The following CNTN4 variants were observed in gnomAD, a reference collection of about 807,000 sequenced individuals.
CNTN4 encodes the protein contactin 4.
In CNTN4, 77 loss-of-function variants were observed where a neutral mutation model predicts 122.5. The observed-to-expected ratio is 0.63, with a 90% CI of 0.52 to 0.76. The LOEUF (loss-of-function observed/expected upper bound fraction) is 0.76, where lower values mean the gene tolerates loss of function less well. Among genes scored for constraint, CNTN4 ranks in the 30% least tolerant of loss-of-function variants. The pLI is 0.00. For synonymous variants in CNTN4, 512 were observed against 447.0 expected (o/e 1.15, Z -1.83); for missense variants, 1,256 against 1,259.1 (o/e 1.00, Z 0.04).
rs747462274 is a variant in CNTN4, at chr3:2,236,524, A to AGTTTT, written c.-144-102643_-144-102639dup. On this transcript the variant is annotated intron_variant, in intron 2 of 24. Coordinates refer to ENST00000418658, the MANE Select transcript of CNTN4 (RefSeq NM_175607.3). ...ATTGAACTACATGTGAAGAGTAAAT[A>AGTTTT]GTTTTGTTTTGTTTTAGTCTTCAGG... Among the ~76,000 whole-genome samples, 3 of 152,320 alleles carry AGTTTT rather than the reference A, an allele frequency of 2.0e-5. No individual in the cohort carries two copies. The East Asian group carries it at 5.8e-4, about 29-fold the overall frequency.
intron 4 of CNTN4, among the ~76,000 whole-genome samples, chr3:2,591,386 A>ATT (rs1224779709): frequency 1.7e-5 from 1 of 58,404 alleles, no homozygotes; most frequent in East Asian, 5.0e-4. Context: ...TTTTTTTGAG[A>ATT]CGGAGTCTCG....
chr3:2,693,062 T>C (rs2085830511), intron 4 of CNTN4, among the ~76,000 whole-genome samples: 2 of 152,182 alleles, frequency 1.3e-5, no homozygotes. Flanking sequence ...CCATTCTCCA[T>C]CCACCCATCA....
intron 6 of CNTN4, among the ~76,000 whole-genome samples, chr3:2,797,248 C>T (rs1483168359): frequency 6.6e-6 from 1 of 152,164 alleles, no homozygotes; most frequent in Non-Finnish European, 1.5e-5. Flanking sequence ...CCTGCCTCAG[C>T]CTCCCAAAGC....
chr3:2,719,024 C>G (rs1375180441), intron 4 of CNTN4, among the ~76,000 whole-genome samples: 3 of 152,110 alleles, frequency 2.0e-5, no homozygotes, highest in Non-Finnish European at 4.4e-5. Flanking sequence ...TTAAGAACTA[C>G]TGGACTAGAT....
At chr3:3,017,767 A>C (rs75928137) in intron 14 of CNTN4, among the ~76,000 whole-genome samples, 4,390 of 152,314 alleles carry the variant, frequency 0.029, 201 homozygotes, top group African/African-American at 0.1. Flanking sequence ...AGGAAGAAAA[A>C]ACTTCGCTTA....
At chr3:2,761,072 T>C (rs2090568785) in intron 6 of CNTN4, among the ~76,000 whole-genome samples, 1 of 152,160 alleles carries the variant, frequency 6.6e-6, no homozygotes, top group Admixed American at 6.5e-5. Flanking sequence ...CCAAGACCAG[T>C]GGAGAGGTAA....
chr3:2,646,513 A>G (rs1427114039), intron 4 of CNTN4, among the ~76,000 whole-genome samples: 2 of 152,192 alleles, frequency 1.3e-5, no homozygotes, highest in Admixed American at 1.3e-4. Context: ...TCCCTGGTGC[A>G]TAGTAAGCAC....
intron 2 of CNTN4, among the ~76,000 whole-genome samples, chr3:2,272,469 T>G (rs2041336709): frequency 6.6e-6 from 1 of 152,200 alleles, no homozygotes; most frequent in Non-Finnish European, 1.5e-5. Context: ...GATACAGCAA[T>G]CACTTACTGA....
intron 3 of CNTN4, among the ~76,000 whole-genome samples, chr3:2,497,253 A>T (rs761034120): frequency 6.6e-6 from 1 of 152,202 alleles, no homozygotes; most frequent in African/African-American, 2.4e-5. Flanking sequence ...TCTTCTCACT[A>T]CAACCTTTAA....
chr3:3,039,938 G>A (rs768864401), intron 19 of CNTN4, 99 bp from the exon 20 acceptor site: 3 of 815,026 alleles, frequency 3.7e-6, no homozygotes, highest in African/African-American at 3.3e-5. Flanking sequence ...GATGGGTGGA[G>A]AAGGATGTAG....
chr3:2,946,984 G>C (rs982186396), intron 13 of CNTN4, among the ~76,000 whole-genome samples: 51 of 152,152 alleles, frequency 3.4e-4, no homozygotes, highest in African/African-American at 1.2e-3. Flanking sequence ...GGGATTACAG[G>C]TATGAGCCAC....
At chr3:2,568,328 A>AAC (rs1559246844) in intron 3 of CNTN4, among the ~76,000 whole-genome samples, 2 of 150,912 alleles carry the variant, frequency 1.3e-5, no homozygotes, top group Non-Finnish European at 3.0e-5. Context: ...AAAAAAAAAA[A>AAC]AAAAAAAAAA....
chr3:2,192,930 G>T (rs1282555199), intron 2 of CNTN4, among the ~76,000 whole-genome samples: 3 of 152,092 alleles, frequency 2.0e-5, no homozygotes, highest in Non-Finnish European at 4.4e-5. Flanking sequence ...TGTGATCCAG[G>T]CATATAATAG....
chr3:2,637,235 C>G (rs1463252540), intron 4 of CNTN4, among the ~76,000 whole-genome samples: 1 of 152,084 alleles, frequency 6.6e-6, no homozygotes, highest in Non-Finnish European at 1.5e-5. Flanking sequence ...AGCCACCGTA[C>G]CTGGCCTCCA....
chr3:2,176,564 C>G (rs2036756459), intron 2 of CNTN4, among the ~76,000 whole-genome samples: 1 of 152,120 alleles, frequency 6.6e-6, no homozygotes, highest in East Asian at 1.9e-4. Context: ...GTAAACAGTT[C>G]TAGTGGTATG....
At chr3:2,380,268 C>A (rs1026535520) in intron 3 of CNTN4, among the ~76,000 whole-genome samples, 1 of 152,094 alleles carries the variant, frequency 6.6e-6, no homozygotes, top group East Asian at 1.9e-4. Context: ...ATATTGGCAG[C>A]GTATCTCAGC....
At chr3:2,133,511 A>G (rs2034547398) in intron 2 of CNTN4, among the ~76,000 whole-genome samples, 1 of 152,242 alleles carries the variant, frequency 6.6e-6, no homozygotes, top group Non-Finnish European at 1.5e-5. Flanking sequence ...TCAAAAGAGT[A>G]TAGTTCAAAG....
intron 13 of CNTN4, among the ~76,000 whole-genome samples, chr3:2,944,724 C>G (rs1315733661): frequency 1.3e-5 from 2 of 152,174 alleles, no homozygotes; most frequent in Non-Finnish European, 2.9e-5. Context: ...AGAACCTTGT[C>G]TAAGGCTACT....
chr3:2,924,899 G>A (rs1323064995), intron 12 of CNTN4, among the ~76,000 whole-genome samples: 1 of 152,124 alleles, frequency 6.6e-6, no homozygotes, highest in East Asian at 1.9e-4. Flanking sequence ...CAAAGCAGAG[G>A]TGGCGACCAT....
Sources: allele counts gnomAD v4.1 joint callset (sites outside exome capture counted in the v4.1 genomes callset), GRCh38; gene constraint gnomAD v4.1.1; transcripts MANE v1.5; gene names NCBI Gene and HGNC (gene_info 2026-07-23, HGNC 2026-07-21).